The following CABCOCO1 variants were observed in gnomAD, a reference collection of about 807,000 sequenced individuals.
CABCOCO1 encodes the protein ciliary-associated calcium-binding coiled-coil protein 1.
A neutral mutation model predicts 35.7 loss-of-function variants in CABCOCO1; 28 were observed. The observed-to-expected ratio is 0.78, with a 90% confidence interval of 0.58 to 1.07. The LOEUF is 1.07. CABCOCO1 is among the 50% of genes least tolerant of loss of function. The pLI is 0.00. For synonymous variants in CABCOCO1, 95 were observed against 100.1 expected (o/e 0.95, Z 0.30); for missense variants, 326 against 309.2 (o/e 1.05, Z -0.41).
chr10:61,733,096 G>A (rs1449309979), intron 5 of CABCOCO1, among the ~76,000 whole-genome samples: 3 of 151,944 alleles, frequency 2.0e-5, no homozygotes, highest in African/African-American at 7.2e-5. Context: ...TATATACCGT[G>A]TTTAACTAAT....
intron 5 of CABCOCO1, among the ~76,000 whole-genome samples, chr10:61,693,527 A>G (rs1262949473): frequency 6.6e-6 from 1 of 152,180 alleles, no homozygotes; most frequent in East Asian, 1.9e-4. Context: ...TGTCCATTTC[A>G]TAAGTGAGGA....
intron 5 of CABCOCO1, among the ~76,000 whole-genome samples, chr10:61,736,080 C>T (rs1437810441): frequency 6.6e-6 from 1 of 152,000 alleles, no homozygotes; most frequent in Admixed American, 6.6e-5. Flanking sequence ...GATGCATAGT[C>T]GGCAAATATT....
Position 61,707,861 on chromosome 10 carries a change from G to A in CABCOCO1, c.552+17240G>A, listed in dbSNP as rs60157255. 5.6e-3 allele frequency among the ~76,000 whole-genome samples: 851 copies of A among 152,174 alleles called. 10 individuals are homozygous for A. The highest frequency in any genetic ancestry group is 0.019 in the African/African-American group (772 of 41,516). Reference sequence around the variant, plus strand: ...TCAAGTTTTGCACAAGGTAAAAACAGAAGCTGATACATGAGCTTGGTTCAA... The same window carrying A: ...TCAAGTTTTGCACAAGGTAAAAACAAAAGCTGATACATGAGCTTGGTTCAA... On this transcript the variant is annotated intron_variant, in intron 5 of 7. Transcript: ENST00000648843.
Position 61,762,452 on chromosome 10 carries a change from C to T in CABCOCO1, c.816+1449C>T, listed in dbSNP as rs901126427. On this transcript the variant is annotated intron_variant, in intron 7 of 7. Transcript: ENST00000648843. ...TAATTAGGCATGGAGAGGATGTGGACCAGAGGACAGGGATGCAGAACCGCT... is the reference window on the plus strand; with the variant it reads ...TAATTAGGCATGGAGAGGATGTGGATCAGAGGACAGGGATGCAGAACCGCT... Among the ~76,000 whole-genome samples, 3 of 152,104 alleles carry T rather than the reference C, an allele frequency of 2.0e-5. No homozygotes were observed. In the East Asian group the frequency reaches 5.8e-4, roughly 29 times the overall value.
chr10:61,728,402 T>G (rs1191100960), intron 5 of CABCOCO1, among the ~76,000 whole-genome samples: 1 of 152,172 alleles, frequency 6.6e-6, no homozygotes, highest in Non-Finnish European at 1.5e-5. Flanking sequence ...TGTCAGTCTT[T>G]GCAAAGCAGC....
chr10:61,726,299 A>G (rs1055588927), intron 5 of CABCOCO1, among the ~76,000 whole-genome samples: 8 of 152,194 alleles, frequency 5.3e-5, no homozygotes, highest in African/African-American at 9.7e-5. Flanking sequence ...ATATAAGGCT[A>G]CGTACCAATT....
intron 5 of CABCOCO1, among the ~76,000 whole-genome samples, chr10:61,710,501 T>A (rs1429166162): frequency 2.0e-5 from 3 of 151,978 alleles, no homozygotes; most frequent in Non-Finnish European, 4.4e-5. Context: ...TAATAAGGCA[T>A]AAAATTTACA....
intron 5 of CABCOCO1, among the ~76,000 whole-genome samples, chr10:61,742,855 G>A (rs888519971): frequency 6.6e-6 from 1 of 152,104 alleles, no homozygotes; most frequent in Admixed American, 6.6e-5. Context: ...AATTTCAGGA[G>A]AAGATAATAG....
chr10:61,717,067 CT>C (rs1840886203), intron 5 of CABCOCO1, among the ~76,000 whole-genome samples: 1 of 152,028 alleles, frequency 6.6e-6, no homozygotes, highest in Non-Finnish European at 1.5e-5. Context: ...AGGCACAATT[CT>C]AAAAACTTCA....
intron 5 of CABCOCO1, among the ~76,000 whole-genome samples, chr10:61,749,130 T>C (rs1366264921): frequency 6.6e-6 from 1 of 152,220 alleles, no homozygotes; most frequent in African/African-American, 2.4e-5. Context: ...GTAAATTTAT[T>C]TTTTCCCCAT....
chr10:61,762,596 CA>C (rs2132096456), intron 7 of CABCOCO1, among the ~76,000 whole-genome samples: 1 of 152,192 alleles, frequency 6.6e-6, no homozygotes, highest in East Asian at 1.9e-4. Context: ...CTCAAGATGG[CA>C]AACCCCTTTA....
rs573234486 is a variant in CABCOCO1 at position 61,695,295 on chromosome 10, C to CA, written c.552+4686dup. Among the ~76,000 whole-genome samples, 473 of 139,980 alleles carry CA rather than the reference C, an allele frequency of 3.4e-3. 1 individual carries two copies. The highest frequency in any genetic ancestry group is 5.0e-3 in the Non-Finnish European group (328 of 64,958). 91.8% of individuals were successfully genotyped at this position (139,980 alleles called of 152,430 possible). ...AAAATTGATAAAGTGGAAGATAAATCAAAAAAAAAAAATCTAAAATAAAGC... is the reference window on the plus strand; with the variant it reads ...AAAATTGATAAAGTGGAAGATAAATCAAAAAAAAAAAAATCTAAAATAAAGC... On this transcript the variant is annotated intron_variant, in intron 5 of 7. Coordinates refer to ENST00000648843, the MANE Select transcript of CABCOCO1 (RefSeq NM_001366906.2).
At chr10:61,735,135 G>C (rs1841387763) in intron 5 of CABCOCO1, among the ~76,000 whole-genome samples, 1 of 151,916 alleles carries the variant, frequency 6.6e-6, no homozygotes, top group African/African-American at 2.4e-5. Context: ...ATAAAATTGG[G>C]AGCCAGCTAG....
At chr10:61,748,423 A>C (rs1295633362) in intron 5 of CABCOCO1, among the ~76,000 whole-genome samples, 1 of 152,240 alleles carries the variant, frequency 6.6e-6, no homozygotes, top group Non-Finnish European at 1.5e-5. Context: ...GGAAATTTAA[A>C]AAACAAAAAG....
At chr10:61,675,345 T>C (rs1839481887) in intron 2 of CABCOCO1, among the ~76,000 whole-genome samples, 1 of 152,154 alleles carries the variant, frequency 6.6e-6, no homozygotes, top group South Asian at 2.1e-4. Flanking sequence ...TAATCTCCTT[T>C]GGAGTACAAT....
chr10:61,756,516 GAAC>G (rs1428887430), intron 5 of CABCOCO1, among the ~76,000 whole-genome samples: 2 of 151,986 alleles, frequency 1.3e-5, no homozygotes, highest in African/African-American at 4.8e-5. Context: ...CATTCACATG[GAAC>G]AACATGATTG....
intron 1 of CABCOCO1, among the ~76,000 whole-genome samples, chr10:61,663,373 GT>G (rs754985729): frequency 2.4e-3 from 342 of 143,396 alleles, no homozygotes; most frequent in Admixed American, 3.9e-3. Flanking sequence ...GGTTTTTCAT[GT>G]TTTTTTTTTT....
chr10:61,669,957 G>A (rs1839307750), intron 1 of CABCOCO1, among the ~76,000 whole-genome samples: 1 of 152,034 alleles, frequency 6.6e-6, no homozygotes, highest in Non-Finnish European at 1.5e-5. Context: ...CAAATGACTT[G>A]CCTTAAGTCA....
At chr10:61,669,139 C>T (rs1294510420) in intron 1 of CABCOCO1, among the ~76,000 whole-genome samples, 1 of 151,154 alleles carries the variant, frequency 6.6e-6, no homozygotes, top group African/African-American at 2.4e-5. Flanking sequence ...TTGGTGAATA[C>T]TTATTAAAAA....
Sources: gnomAD v4.1 joint callset for allele counts (sites outside exome capture counted in the v4.1 genomes callset) on GRCh38, gnomAD v4.1.1 for gene constraint, MANE v1.5 for transcripts, NCBI Gene and HGNC (gene_info 2026-07-23, HGNC 2026-07-21) for gene names.